CNBD1: variants seen among roughly 807,000 people sequenced by gnomAD.
The protein encoded by CNBD1 is cyclic nucleotide binding domain containing 1.
Under a neutral mutation model 54.4 loss-of-function variants are expected in CNBD1, and 71 were observed. That is an observed-to-expected ratio of 1.30 (90% CI 1.08 to 1.59). CNBD1 has a LOEUF of 1.59. CNBD1 is among the 40% of genes most tolerant of loss of function. The probability of loss-of-function intolerance (pLI) is 0.00; values close to 1 mark genes in which losing one functional copy is unlikely to be tolerated. For missense variants in CNBD1, 659 were observed against 518.0 expected, an observed-to-expected ratio of 1.27 and a Z score of -2.64; for synonymous variants, 182 against 170.7, an observed-to-expected ratio of 1.07 and a Z score of -0.51.
intron 5 of CNBD1, among the ~76,000 whole-genome samples, chr8:87,230,883 T>C (rs1437101702): frequency 6.6e-6 from 1 of 152,234 alleles, no homozygotes; most frequent in Non-Finnish European, 1.5e-5. Context: ...TTATGGAGAA[T>C]ATCTAGTGAA....
chr8:86,870,189 C>CTTTTTTTTTTTT lies in CNBD1; in HGVS notation c.88+3610_88+3621dup, dbSNP rs71275890. On this transcript the variant is annotated intron_variant, in intron 1 of 10. Coordinates refer to ENST00000518476, the MANE Select transcript of CNBD1 (RefSeq NM_173538.3). ...AGAAATTTAGAAACAAGATAGTACT[C>CTTTTTTTTTTTT]TTTTTTTTTTTTTTTCTGAGACGGA... Among the ~76,000 whole-genome samples, 189 of 100,578 alleles carry CTTTTTTTTTTTT rather than the reference C, an allele frequency of 1.9e-3. 31 individuals are homozygous for CTTTTTTTTTTTT. Among genetic ancestry groups the CTTTTTTTTTTTT allele is most frequent in the African/African-American group, 6.5e-3 (161 of 24,890 alleles). 66.0% of individuals were successfully genotyped at this position (100,578 alleles called of 152,430 possible). A position where few individuals can be genotyped will look rare whatever the true frequency, so the allele number is the denominator to read the frequency against.
intron 4 of CNBD1, among the ~76,000 whole-genome samples, chr8:87,204,145 CT>C (rs375935984): frequency 6.6e-6 from 1 of 152,190 alleles, no homozygotes; most frequent in Non-Finnish European, 1.5e-5. Flanking sequence ...TGAGTCAAAA[CT>C]TTTTTTGGAG....
intron 1 of CNBD1, among the ~76,000 whole-genome samples, chr8:86,869,093 T>C (rs1808405218): frequency 6.6e-6 from 1 of 152,184 alleles, no homozygotes; most frequent in Non-Finnish European, 1.5e-5. Context: ...TCCAGAAGAA[T>C]TGCAGTCCTG....
chr8:87,353,247 G>A (rs990097739), intron 9 of CNBD1, among the ~76,000 whole-genome samples: 1 of 152,062 alleles, frequency 6.6e-6, no homozygotes, highest in Non-Finnish European at 1.5e-5. Context: ...CTTCTTCCCT[G>A]TGGGTTCAAC....
chr8:87,323,876 G>C (rs893533652), intron 8 of CNBD1, among the ~76,000 whole-genome samples: 4 of 134,784 alleles, frequency 3.0e-5, no homozygotes, highest in Admixed American at 7.3e-5. Flanking sequence ...TCTCTGTCTT[G>C]TGCCAGTTTT....
At chr8:87,180,969 G>A (rs1173255227) in intron 4 of CNBD1, among the ~76,000 whole-genome samples, 1 of 152,188 alleles carries the variant, frequency 6.6e-6, no homozygotes, top group Non-Finnish European at 1.5e-5. Context: ...TGCTGCAGCT[G>A]CCTCTCCTAA....
At chr8:87,394,800 T>A (rs1332452201) in intron 2 of CNBD1, among the ~76,000 whole-genome samples, 1 of 151,938 alleles carries the variant, frequency 6.6e-6, no homozygotes, top group Admixed American at 6.6e-5. Context: ...TATAAATGTT[T>A]AAATTTTATG....
chr8:87,011,565 C>T (rs1563857456), intron 4 of CNBD1, among the ~76,000 whole-genome samples: 1 of 151,946 alleles, frequency 6.6e-6, no homozygotes, highest in South Asian at 2.1e-4. Flanking sequence ...TAAGCAGGAA[C>T]ATAAGTACTT....
intron 3 of CNBD1, among the ~76,000 whole-genome samples, chr8:86,915,834 C>T (rs186024596): frequency 1.2e-4 from 18 of 152,284 alleles, no homozygotes; most frequent in African/African-American, 4.1e-4. Context: ...GTCAATCTAT[C>T]TGGGCATTAG....
At chr8:87,231,913 CCAGT>C (rs1807448273) in intron 5 of CNBD1, among the ~76,000 whole-genome samples, 1 of 152,222 alleles carries the variant, frequency 6.6e-6, no homozygotes, top group Admixed American at 6.5e-5. Flanking sequence ...ATATTTCTTC[CCAGT>C]CAGTCTGTTG....
Position 87,237,609 on chromosome 8 carries a change from C to T in CNBD1, c.771+497C>T, listed in dbSNP as rs80219989. On this transcript the variant is annotated intron_variant, in intron 6 of 10. Transcript: ENST00000518476. Reference sequence around the variant, plus strand: ...CTATATAATATTTCAAGACTATTAGCTGGTCAAAAATTAAAAGTTCCATAT... The same window carrying T: ...CTATATAATATTTCAAGACTATTAGTTGGTCAAAAATTAAAAGTTCCATAT... Among the ~76,000 whole-genome samples, 423 of 152,188 alleles carry T rather than the reference C, an allele frequency of 2.8e-3. 1 individual carries two copies. The highest frequency in any genetic ancestry group is 9.0e-3 in the African/African-American group (375 of 41,542).
chr8:87,388,999 C>A (rs1005629217), intron 2 of CNBD1, among the ~76,000 whole-genome samples: 11 of 152,140 alleles, frequency 7.2e-5, no homozygotes, highest in Admixed American at 6.5e-4. Context: ...ACGACAAAAA[C>A]CACATGATTA....
chr8:87,002,419 C>T (rs1003404324), intron 4 of CNBD1, among the ~76,000 whole-genome samples: 54 of 152,142 alleles, frequency 3.5e-4, no homozygotes, highest in African/African-American at 1.2e-3. Context: ...AGAGTCCTTT[C>T]GATATCCCAC....
intron 4 of CNBD1, among the ~76,000 whole-genome samples, chr8:87,060,728 A>T (rs955008129): frequency 4.6e-5 from 7 of 152,178 alleles, no homozygotes; most frequent in African/African-American, 1.7e-4. Flanking sequence ...TCACAATTTT[A>T]CAACTAAAAT....
At chr8:87,279,227 G>C (rs987450555) in intron 6 of CNBD1, among the ~76,000 whole-genome samples, 1 of 151,244 alleles carries the variant, frequency 6.6e-6, no homozygotes, top group African/African-American at 2.4e-5. Flanking sequence ...ACTTTAGTAA[G>C]ACAAGGATGC....
chr8:87,207,228 A>T (rs914957931), intron 5 of CNBD1, among the ~76,000 whole-genome samples: 1 of 152,172 alleles, frequency 6.6e-6, no homozygotes, highest in Non-Finnish European at 1.5e-5. Context: ...TAAATCACTG[A>T]AAACATATTT....
intron 4 of CNBD1, among the ~76,000 whole-genome samples, chr8:87,198,447 A>G (rs1021174269): frequency 6.6e-6 from 1 of 152,240 alleles, no homozygotes; most frequent in Non-Finnish European, 1.5e-5. Context: ...ATTATGATAC[A>G]TGCAAAGAAA....
chr8:86,984,657 G>T (rs1336324914), intron 4 of CNBD1, among the ~76,000 whole-genome samples: 1 of 152,248 alleles, frequency 6.6e-6, no homozygotes, highest in East Asian at 1.9e-4. Flanking sequence ...AAAGCTTTAG[G>T]ATTTGACTGC....
intron 4 of CNBD1, among the ~76,000 whole-genome samples, chr8:86,953,514 C>T (rs768616594): frequency 2.6e-5 from 4 of 152,164 alleles, no homozygotes; most frequent in Admixed American, 6.5e-5. Context: ...AATTTTGGAA[C>T]ACATTTTAAC....
Sources: allele counts gnomAD v4.1 joint callset (sites outside exome capture counted in the v4.1 genomes callset), GRCh38; gene constraint gnomAD v4.1.1; transcripts MANE v1.5; gene names NCBI Gene and HGNC (gene_info 2026-07-23, HGNC 2026-07-21).